ARHGAP22: variants seen among roughly 807,000 people sequenced by gnomAD.
The protein encoded by ARHGAP22 is rho GTPase-activating protein 22.
Under a neutral mutation model 59.1 loss-of-function variants are expected in ARHGAP22, and 48 were observed. That is an observed-to-expected ratio of 0.81 (90% confidence interval 0.64 to 1.03). ARHGAP22 has a LOEUF of 1.03. ARHGAP22 is among the 50% of genes least tolerant of loss of function. The pLI is 0.00. For synonymous variants in ARHGAP22, 445 were observed against 416.4 expected, an observed-to-expected ratio of 1.07 and a Z score of -0.84; for missense variants, 1,015 against 958.7, an observed-to-expected ratio of 1.06 and a Z score of -0.78.
intron 3 of ARHGAP22, among the ~76,000 whole-genome samples, chr10:48,495,668 T>C (rs1305437158): frequency 6.6e-6 from 1 of 152,224 alleles, no homozygotes; most frequent in Non-Finnish European, 1.5e-5. Context: ...TCTTGTGTAA[T>C]TACTCCTCGT....
chr10:48,609,341 A>G (rs531763842), upstream of ARHGAP22, among the ~76,000 whole-genome samples: 14 of 152,324 alleles, frequency 9.2e-5, no homozygotes, highest in African/African-American at 2.9e-4. Flanking sequence ...ATACATGAGC[A>G]GAAGTGATGT....
chr10:48,450,371 G>T lies in ARHGAP22; in HGVS notation c.1758C>A (p.Asp586Glu). The T allele has an allele frequency of 6.3e-7, 1 of 1,582,844 alleles. No individual in the cohort carries two copies. The highest frequency in any genetic ancestry group is 8.6e-7 in the Non-Finnish European group (1 of 1,165,116). ...GGCGCGCGTGTTCCCGGGTGGGGCT[G>T]TCCGGCTCGCTGGGCTCGCTGTTGC... ...GASNSEPSEP[D>E]SPTREHARRS... The change falls in exon 9 of 10, where the codon GAC (aspartate) becomes GAA (glutamate). Residue 586 changes from aspartate to glutamate, a missense_variant. Coordinates refer to ENST00000249601, the MANE Select transcript of ARHGAP22 (RefSeq NM_021226.4).
intron 1 of ARHGAP22, among the ~76,000 whole-genome samples, chr10:48,598,185 G>A (rs1589083883): frequency 6.6e-6 from 1 of 152,224 alleles, no homozygotes. Context: ...GAGAAACTCT[G>A]TTTTCCCATC....
At chr10:48,465,463 T>G (rs981937580) in intron 4 of ARHGAP22, among the ~76,000 whole-genome samples, 1 of 152,262 alleles carries the variant, frequency 6.6e-6, no homozygotes, top group Non-Finnish European at 1.5e-5. Flanking sequence ...CTTGGCCACC[T>G]TCCGGGGTGT....
chr10:48,562,519 T>C (rs2057754661), intron 2 of ARHGAP22, among the ~76,000 whole-genome samples: 2 of 152,112 alleles, frequency 1.3e-5, no homozygotes, highest in Non-Finnish European at 2.9e-5. Flanking sequence ...AATTATGCCA[T>C]GGGAAAGAAG....
chr10:48,580,581 C>T (rs1278402572), intron 2 of ARHGAP22, among the ~76,000 whole-genome samples: 2 of 152,158 alleles, frequency 1.3e-5, no homozygotes, highest in Non-Finnish European at 2.9e-5. Context: ...CTCTGAAAGG[C>T]TGGGAGCAAC....
intron 2 of ARHGAP22, among the ~76,000 whole-genome samples, chr10:48,570,896 CA>C (rs1273324456): frequency 6.6e-5 from 10 of 152,208 alleles, no homozygotes; most frequent in Non-Finnish European, 7.3e-5. Flanking sequence ...TGAGGACTGC[CA>C]GGGGTGCCCA....
chr10:48,600,752 C>G (rs1331893789), intron 1 of ARHGAP22, among the ~76,000 whole-genome samples: 1 of 152,176 alleles, frequency 6.6e-6, no homozygotes, highest in African/African-American at 2.4e-5. Context: ...TGGTTCTCTC[C>G]ATGGGGTGGA....
chr10:48,493,832 G>A (rs1292224755), intron 3 of ARHGAP22, among the ~76,000 whole-genome samples: 2 of 152,166 alleles, frequency 1.3e-5, no homozygotes, highest in Non-Finnish European at 2.9e-5. Flanking sequence ...GAGGTGGGGG[G>A]AGTGTCCATC....
At position 48,446,569 on chromosome 10, in the gene ARHGAP22, T is replaced by C. The variant is rs1432455859; in HGVS notation, c.1919A>G (p.Glu640Gly). ...TTTTTTCTTTTCCTGGTCCAGTTCTTCTTCTAACCGGGACATTCGTTTTCT... is the reference window on the plus strand; with the variant it reads ...TTTTTTCTTTTCCTGGTCCAGTTCTCCTTCTAACCGGGACATTCGTTTTCT... ...DLRKRMSRLEEELDQEKKKYI... is the reference protein window; with the variant it reads ...DLRKRMSRLEGELDQEKKKYI... The change falls in exon 10 of 10, where the codon GAA becomes GGA. Residue 640 changes from glutamate to glycine, a missense_variant. Physicochemically the swap from Glu to Gly is moderately conservative, Grantham distance 98. Coordinates refer to ENST00000249601, the MANE Select transcript of ARHGAP22 (RefSeq NM_021226.4). 1 of 1,614,224 alleles carries C rather than the reference T, an allele frequency of 6.2e-7. No individual in the cohort carries two copies.
chr10:48,590,845 G>T (rs1325640862), intron 1 of ARHGAP22, among the ~76,000 whole-genome samples: 2 of 152,024 alleles, frequency 1.3e-5, no homozygotes, highest in African/African-American at 4.8e-5. Flanking sequence ...TTCAGCGCAT[G>T]GGCAGGGTAG....
At chr10:48,568,504 G>A (rs1306618346) in intron 2 of ARHGAP22, among the ~76,000 whole-genome samples, 1 of 152,238 alleles carries the variant, frequency 6.6e-6, no homozygotes, top group African/African-American at 2.4e-5. Flanking sequence ...TTTGGTGGCT[G>A]CATAAGACAC....
chr10:48,453,167 A>T lies in ARHGAP22; in HGVS notation c.988+137T>A, dbSNP rs2046150473. 4 of 1,220,556 alleles carry T rather than the reference A, an allele frequency of 3.3e-6. No homozygotes were observed. In the East Asian group the frequency reaches 1.0e-4, roughly 31 times the overall value. 75.6% of individuals were successfully genotyped at this position (1,220,556 alleles called of 1,614,324 possible). A position where few individuals can be genotyped will look rare whatever the true frequency, so the allele number is the denominator to read the frequency against. ...GCAGAAGTTCCTGCCAAGTCCCCAG[A>T]GATGGAGATGTGCCACCTGAGCCAC... On this transcript the variant is annotated intron_variant, in intron 8 of 9. Transcript: ENST00000249601.
At chr10:48,475,268 T>TA (rs1474214168) in intron 4 of ARHGAP22, among the ~76,000 whole-genome samples, 1 of 152,180 alleles carries the variant, frequency 6.6e-6, no homozygotes, top group Non-Finnish European at 1.5e-5. Context: ...CTCCTCCCTC[T>TA]TGGGGCTTGC....
chr10:48,654,773 A>ACTTTCTTTCTTTCTTTCTTT (rs201340687), upstream of ARHGAP22, among the ~76,000 whole-genome samples: 8 of 112,264 alleles, frequency 7.1e-5, 1 homozygote, highest in African/African-American at 1.4e-4. Flanking sequence ...CATGCTGATT[A>ACTTTCTTTCTTTCTTTCTTT]CTTTCTTTCT....
At chr10:48,526,392 C>T (rs564916673) in intron 3 of ARHGAP22, among the ~76,000 whole-genome samples, 56 of 152,312 alleles carry the variant, frequency 3.7e-4, no homozygotes, top group African/African-American at 1.3e-3. Flanking sequence ...GAAGGGTTTT[C>T]CTGCGTTAGA....
At chr10:48,653,191 T>A (rs548850397), upstream of ARHGAP22, among the ~76,000 whole-genome samples, 26 of 152,344 alleles carry the variant, frequency 1.7e-4, no homozygotes, top group Admixed American at 3.9e-4. Flanking sequence ...TCCTCTGTTC[T>A]ATTGAGCTTG....
intron 3 of ARHGAP22, among the ~76,000 whole-genome samples, chr10:48,487,233 A>AT (rs796502960): frequency 6.6e-6 from 1 of 151,830 alleles, no homozygotes; most frequent in Non-Finnish European, 1.5e-5. Context: ...TTTTTGTTAA[A>AT]TTTTTTTTCT....
At chr10:48,540,846 C>T (rs11101378) in intron 3 of ARHGAP22, among the ~76,000 whole-genome samples, 9,127 of 152,018 alleles carry the variant, frequency 0.06, 401 homozygotes, top group Non-Finnish European at 0.091. Context: ...ACCTTAAAAG[C>T]AGCGCTTTGG....
Sources: gnomAD v4.1 joint callset for allele counts (sites outside exome capture counted in the v4.1 genomes callset) on GRCh38, gnomAD v4.1.1 for gene constraint, MANE v1.5 for transcripts, NCBI Gene and HGNC (gene_info 2026-07-23, HGNC 2026-07-21) for gene names.